Variants in IMPG1 observed in about 807,000 individuals in gnomAD.
IMPG1 encodes the protein interphotoreceptor matrix proteoglycan of 150 kDa.
A neutral mutation model predicts 92.0 loss-of-function variants in IMPG1; 85 were observed. The ratio of observed to expected loss-of-function variants is 0.92; its 90% CI spans 0.78 to 1.11. The LOEUF (loss-of-function observed/expected upper bound fraction) is 1.11, where lower values mean the gene tolerates loss of function less well. IMPG1 is among the 50% of genes least tolerant of loss of function. The pLI is 0.00. For synonymous variants in IMPG1, 367 were observed against 334.1 expected, an observed-to-expected ratio of 1.10 and a Z score of -1.08; for missense variants, 1,022 against 956.0, an observed-to-expected ratio of 1.07 and a Z score of -0.91.
rs765964982 is a variant in IMPG1 at position 76,003,894 on chromosome 6, A to G, written c.1192T>C (p.Ser398Pro). The change falls in exon 11 of 17, where the codon TCT (serine) becomes CCT (proline). Residue 398 changes from serine (S) to proline (P), a missense_variant. Physicochemically the swap from Ser to Pro is moderately conservative, Grantham distance 74. Around this residue, in one of 3 missense-constraint regions of IMPG1, gnomAD observed 681 missense variants for 583.6 expected, o/e 1.17. Coordinates refer to ENST00000369950, the MANE Select transcript of IMPG1 (RefSeq NM_001563.4). The part of the protein sequence containing the change: ...GPDTQSELPT[S>P]FAVITEDATL... ...CTTACCTCTGTTATAACAGCAAAAG[A>G]TGTGGGCAGCTCTGATTGGGTGTCA... The G allele has an allele frequency of 1.2e-6, 2 of 1,613,094 alleles. No homozygotes were observed. Among genetic ancestry groups the G allele is most frequent in the Non-Finnish European group, 1.7e-6 (2 of 1,179,642 alleles).
At chr6:75,981,854 G>T (rs1782633205) in intron 12 of IMPG1, among the ~76,000 whole-genome samples, 1 of 152,146 alleles carries the variant, frequency 6.6e-6, no homozygotes, top group Admixed American at 6.5e-5. Flanking sequence ...TCAACTTTTT[G>T]GGGGACACTT....
At chr6:75,931,580 T>C (rs1781669586) in intron 14 of IMPG1, among the ~76,000 whole-genome samples, 3 of 99,416 alleles carry the variant, frequency 3.0e-5, no homozygotes, top group Non-Finnish European at 6.6e-5. Flanking sequence ...TGTTACTTAG[T>C]TTTTTTTTTT....
intron 12 of IMPG1, among the ~76,000 whole-genome samples, chr6:75,999,541 T>A (rs544382319): frequency 6.6e-6 from 1 of 152,354 alleles, no homozygotes; most frequent in East Asian, 1.9e-4. Flanking sequence ...CTTGCTCTTG[T>A]CCAGAGTGCC....
At chr6:76,028,092 T>A (rs1473207732) in intron 4 of IMPG1, among the ~76,000 whole-genome samples, 2 of 152,212 alleles carry the variant, frequency 1.3e-5, no homozygotes, top group African/African-American at 4.8e-5. Context: ...GTTCCAAAAT[T>A]CTATGGGATT....
At chr6:76,047,040 C>G (rs1467062190) in intron 1 of IMPG1, among the ~76,000 whole-genome samples, 2 of 152,194 alleles carry the variant, frequency 1.3e-5, no homozygotes, top group African/African-American at 4.8e-5. Context: ...AAATGCACCT[C>G]ACAAGTTTTC....
At chr6:75,949,057 A>G (rs985580134) in intron 13 of IMPG1, among the ~76,000 whole-genome samples, 7 of 152,208 alleles carry the variant, frequency 4.6e-5, no homozygotes, top group Non-Finnish European at 1.0e-4. Flanking sequence ...CTTGTACTGA[A>G]TGAAAGTCAC....
At position 75,931,160 on chromosome 6, in the gene IMPG1, A is replaced by C; in HGVS notation, c.2045-9T>G. On this transcript the variant is annotated splice_polypyrimidine_tract_variant and intron_variant, in intron 14 of 16. Transcript: ENST00000369950. Reference sequence around the variant, plus strand: ...GGGATCTGCTTGATCAGCTGTAAGAAATGGGGCAGATTTTAACGCATGTAT... The same window carrying C: ...GGGATCTGCTTGATCAGCTGTAAGACATGGGGCAGATTTTAACGCATGTAT... 1 of 1,605,834 alleles carries C rather than the reference A, an allele frequency of 6.2e-7. No homozygotes were observed. The highest frequency in any genetic ancestry group is 1.1e-5 in the South Asian group (1 of 89,800).
intron 4 of IMPG1, among the ~76,000 whole-genome samples, chr6:76,030,596 C>T (rs1040276866): frequency 6.6e-6 from 1 of 152,126 alleles, no homozygotes; most frequent in African/African-American, 2.4e-5. Flanking sequence ...TAGGATTGGG[C>T]TCAGGGGAAA....
At chr6:75,954,556 T>C (rs1782085970) in intron 12 of IMPG1, among the ~76,000 whole-genome samples, 1 of 152,218 alleles carries the variant, frequency 6.6e-6, no homozygotes, top group Non-Finnish European at 1.5e-5. Context: ...TTTCCCATTC[T>C]ATAGGTTGCC....
intron 12 of IMPG1, among the ~76,000 whole-genome samples, chr6:75,997,170 T>C (rs769590414): frequency 1.3e-5 from 2 of 152,234 alleles, no homozygotes; most frequent in African/African-American, 2.4e-5. Context: ...GAAGTCTTAG[T>C]TGAATGGCCA....
chr6:75,937,768 C>T (rs535025714), intron 14 of IMPG1, among the ~76,000 whole-genome samples: 2 of 152,146 alleles, frequency 1.3e-5, no homozygotes, highest in Non-Finnish European at 2.9e-5. Context: ...CGTTGAGCCA[C>T]ATTTTTGTAA....
chr6:76,063,391 G>T (rs547279881), intron 1 of IMPG1, among the ~76,000 whole-genome samples: 7 of 152,172 alleles, frequency 4.6e-5, no homozygotes, highest in Admixed American at 2.6e-4. Flanking sequence ...GCAAGAGGTT[G>T]TCAGAGATGA....
intron 15 of IMPG1, among the ~76,000 whole-genome samples, chr6:75,925,362 G>A (rs1202651625): frequency 6.6e-6 from 1 of 151,950 alleles, no homozygotes; most frequent in Non-Finnish European, 1.5e-5. Context: ...ATTATAAAAT[G>A]GGTATAATAT....
chr6:75,933,425 G>T (rs1199015011), intron 14 of IMPG1, among the ~76,000 whole-genome samples: 2 of 152,158 alleles, frequency 1.3e-5, no homozygotes, highest in Admixed American at 1.3e-4. Context: ...ACATAATATG[G>T]TTTGGGGCAT....
At chr6:75,958,234 G>C (rs1782160881) in intron 12 of IMPG1, among the ~76,000 whole-genome samples, 1 of 152,170 alleles carries the variant, frequency 6.6e-6, no homozygotes, top group African/African-American at 2.4e-5. Flanking sequence ...CTTCTGGCTT[G>C]TAGCTTTCTG....
chr6:76,006,001 A>T (rs1314659028), intron 9 of IMPG1, among the ~76,000 whole-genome samples: 1 of 151,930 alleles, frequency 6.6e-6, no homozygotes, highest in Admixed American at 6.6e-5. Flanking sequence ...GGCTAATTTT[A>T]AATTTTTTTG....
At chr6:75,940,287 TA>T (rs1427226359) in intron 14 of IMPG1, among the ~76,000 whole-genome samples, 3 of 152,216 alleles carry the variant, frequency 2.0e-5, no homozygotes, top group Admixed American at 1.3e-4. Context: ...TCCAGACACC[TA>T]CTTCATAGGC....
chr6:76,037,320 G>A (rs572871669), intron 2 of IMPG1, among the ~76,000 whole-genome samples: 1 of 152,254 alleles, frequency 6.6e-6, no homozygotes, highest in East Asian at 1.9e-4. Context: ...CAAGGTAATT[G>A]ATCTTTTAAT....
rs761741920 is a variant in IMPG1 at position 76,025,056 on chromosome 6, T to C, written c.562+138A>G. ...TATGCAATAAATTTAAATTATGTTA[T>C]AAAGTTAGAAATATAAGCTAGTTTT... On this transcript the variant is annotated intron_variant, in intron 5 of 16. Coordinates refer to ENST00000369950, the MANE Select transcript of IMPG1 (RefSeq NM_001563.4). 9.1e-6 allele frequency: 6 copies of C among 660,208 alleles called. No individual in the cohort carries two copies. The African/African-American group carries it at 9.1e-5, about 10-fold the overall frequency. The allele number at this position is 660,208 out of a possible 1,614,324, so 40.9% of individuals were successfully genotyped here. A position where few individuals can be genotyped will look rare whatever the true frequency, so the allele number is the denominator to read the frequency against.
Sources: gnomAD v4.1 joint callset for allele counts (sites outside exome capture counted in the v4.1 genomes callset) on GRCh38, gnomAD v4.1.1 for gene constraint, gnomAD v4.1.1 regional missense constraint, MANE v1.5 for transcripts, NCBI Gene and HGNC (gene_info 2026-07-23, HGNC 2026-07-21) for gene names.